The following RGS7 variants were observed in gnomAD, a reference collection of about 807,000 sequenced individuals.
RGS7 encodes regulator of G-protein signaling 7.
Under a neutral mutation model 81.1 loss-of-function variants are expected in RGS7, and 27 were observed. The observed-to-expected ratio is 0.33, with a 90% CI of 0.25 to 0.46. The LOEUF (loss-of-function observed/expected upper bound fraction) is 0.46, where lower values mean the gene tolerates loss of function less well. RGS7 is among the 20% of genes least tolerant of loss of function. The pLI is 1.00. For synonymous variants in RGS7, 208 were observed against 207.7 expected (o/e 1.00, Z -0.01); for missense variants, 396 against 607.4 (o/e 0.65, Z 3.66).
intron 3 of RGS7, among the ~76,000 whole-genome samples, chr1:241,010,049 G>T (rs1021152781): frequency 1.2e-4 from 19 of 152,136 alleles, no homozygotes; most frequent in African/African-American, 4.6e-4. Context: ...TGTGGGGCTG[G>T]GGGAGGGATG....
chr1:241,223,737 G>T, intron 2 of RGS7, among the ~76,000 whole-genome samples: 1 of 151,556 alleles, frequency 6.6e-6, no homozygotes, highest in Non-Finnish European at 1.5e-5. Flanking sequence ...AGAAAATTCT[G>T]TTTGGTATAA....
At chr1:241,171,612 T>C (rs2070739430) in intron 2 of RGS7, among the ~76,000 whole-genome samples, 2 of 152,210 alleles carry the variant, frequency 1.3e-5, no homozygotes, top group African/African-American at 4.8e-5. Context: ...TAACAAGTGA[T>C]TCCTAGAGGA....
At chr1:240,936,504 T>C in intron 5 of RGS7, 96 bp downstream of exon 5, 1 of 900,426 alleles carries the variant, frequency 1.1e-6, no homozygotes, top group Non-Finnish European at 1.9e-6. Context: ...GTAAAATAAG[T>C]CATAGTTTTT....
chr1:241,221,372 C>T (rs2075001792), intron 2 of RGS7, among the ~76,000 whole-genome samples: 1 of 152,198 alleles, frequency 6.6e-6, no homozygotes, highest in Admixed American at 6.5e-5. Flanking sequence ...GAGATGCTCA[C>T]CCACCTGTTT....
At chr1:241,126,606 A>C (rs2066679829) in intron 2 of RGS7, among the ~76,000 whole-genome samples, 1 of 152,174 alleles carries the variant, frequency 6.6e-6, no homozygotes, top group African/African-American at 2.4e-5. Context: ...GCATCTGAAA[A>C]ACAGATGTGC....
At chr1:240,919,375 A>C (rs1209087282) in intron 6 of RGS7, among the ~76,000 whole-genome samples, 2 of 152,208 alleles carry the variant, frequency 1.3e-5, no homozygotes, top group South Asian at 4.1e-4. Flanking sequence ...AATATTATAC[A>C]TCATGACCAG....
At chr1:241,032,753 G>A (rs1399774756) in intron 3 of RGS7, among the ~76,000 whole-genome samples, 2 of 152,102 alleles carry the variant, frequency 1.3e-5, no homozygotes, top group Non-Finnish European at 2.9e-5. Flanking sequence ...TTGTAAATCA[G>A]ATTGACTTCT....
chr1:240,897,406 T>C (rs370804676), intron 6 of RGS7, among the ~76,000 whole-genome samples: 2 of 152,308 alleles, frequency 1.3e-5, no homozygotes, highest in East Asian at 3.9e-4. Context: ...CAGTATGATA[T>C]TGGCTGTGGG....
At chr1:241,211,744 C>T (rs994063539) in intron 2 of RGS7, among the ~76,000 whole-genome samples, 2 of 152,130 alleles carry the variant, frequency 1.3e-5, no homozygotes, top group Non-Finnish European at 2.9e-5. Context: ...ATTGATGTAG[C>T]AAGGCGTTAT....
At chr1:241,168,162 A>G (rs543219357) in intron 2 of RGS7, among the ~76,000 whole-genome samples, 1 of 152,196 alleles carries the variant, frequency 6.6e-6, no homozygotes, top group Non-Finnish European at 1.5e-5. Context: ...GTGTTACAAT[A>G]CTTTTAACTC....
At chr1:241,109,914 T>C (rs1269515069) in intron 2 of RGS7, among the ~76,000 whole-genome samples, 4 of 151,970 alleles carry the variant, frequency 2.6e-5, no homozygotes, top group South Asian at 2.1e-4. Flanking sequence ...GCCGAGATTA[T>C]GCCACTGCAC....
At chr1:240,916,813 A>G (rs1317617184) in intron 6 of RGS7, among the ~76,000 whole-genome samples, 1 of 152,196 alleles carries the variant, frequency 6.6e-6, no homozygotes, top group African/African-American at 2.4e-5. Flanking sequence ...TGATGAGATA[A>G]TAAATTTCTA....
At chr1:240,853,362 T>C (rs1660449176) in intron 9 of RGS7, among the ~76,000 whole-genome samples, 1 of 152,346 alleles carries the variant, frequency 6.6e-6, no homozygotes, top group African/African-American at 2.4e-5. Flanking sequence ...GCAAAAATTA[T>C]ATTATTTACA....
At chr1:240,973,751 G>A (rs963886749) in intron 4 of RGS7, among the ~76,000 whole-genome samples, 3 of 151,860 alleles carry the variant, frequency 2.0e-5, no homozygotes, top group South Asian at 2.1e-4. Flanking sequence ...CACCGCGCCC[G>A]GCTAATTTTT....
intron 2 of RGS7, among the ~76,000 whole-genome samples, chr1:241,348,437 T>C (rs1375564035): frequency 6.6e-6 from 1 of 152,222 alleles, no homozygotes; most frequent in Admixed American, 6.5e-5. Context: ...ACGATGCCCA[T>C]GAAGCAACCA....
intron 9 of RGS7, among the ~76,000 whole-genome samples, chr1:240,845,960 C>T (rs78325141): frequency 0.013 from 2,043 of 152,088 alleles, 38 homozygotes; most frequent in African/African-American, 0.045. Flanking sequence ...ATTGGAGCCC[C>T]GTGGAAAAGA....
intron 2 of RGS7, among the ~76,000 whole-genome samples, chr1:241,287,270 A>C (rs1573513254): frequency 1.3e-5 from 2 of 152,260 alleles, no homozygotes; most frequent in East Asian, 3.9e-4. Context: ...CCCAAATCTC[A>C]TCTTGAATTG....
chr1:241,110,436 G>A (rs1401965420), intron 2 of RGS7, among the ~76,000 whole-genome samples: 2 of 151,906 alleles, frequency 1.3e-5, no homozygotes, highest in Non-Finnish European at 2.9e-5. Flanking sequence ...AAAAATGGAC[G>A]AATCATTCCT....
chr1:240,943,990 T>G (rs1040239163), intron 4 of RGS7, among the ~76,000 whole-genome samples: 3 of 151,990 alleles, frequency 2.0e-5, no homozygotes, highest in Admixed American at 2.0e-4. Context: ...CAATTGGCAG[T>G]GAGAGCAACA....
Sources: gnomAD v4.1 joint callset for allele counts (sites outside exome capture counted in the v4.1 genomes callset) on GRCh38, gnomAD v4.1.1 for gene constraint, MANE v1.5 for transcripts, NCBI Gene and HGNC (gene_info 2026-07-23, HGNC 2026-07-21) for gene names.